Variants in PACS2 observed in about 807,000 individuals in gnomAD.
The protein encoded by PACS2 is PACS1-like protein.
Under a neutral mutation model 113.0 loss-of-function variants are expected in PACS2, and 36 were observed. The ratio of observed to expected loss-of-function variants is 0.32; its 90% confidence interval spans 0.24 to 0.42. The LOEUF is 0.42. Ranked by LOEUF, PACS2 falls within the 10% of genes least tolerant of loss-of-function variation. The probability of loss-of-function intolerance (pLI) is 1.00; values close to 1 mark genes in which losing one functional copy is unlikely to be tolerated. For synonymous variants in PACS2, 589 were observed against 536.1 expected (o/e 1.10, Z -1.36); for missense variants, 1,015 against 1,239.5 (o/e 0.82, Z 2.72).
chr14:105,305,379 G>T (rs1034718650), intron 1 of PACS2, among the ~76,000 whole-genome samples: 2 of 152,130 alleles, frequency 1.3e-5, no homozygotes, highest in Admixed American at 1.3e-4. Context: ...TCCAGCCTGG[G>T]CGACAGATTG....
At chr14:105,393,074 T>G (rs2081415540) in intron 23 of PACS2, 148 bp from the exon 24 acceptor site, 2 of 719,752 alleles carry the variant, frequency 2.8e-6, no homozygotes, top group Non-Finnish European at 4.8e-6. Flanking sequence ...AGAGCAGCTG[T>G]CCTCAGTCAC....
chr14:105,380,402 C>G (rs782417929), intron 11 of PACS2, among the ~76,000 whole-genome samples: 2 of 148,900 alleles, frequency 1.3e-5, no homozygotes, highest in African/African-American at 5.0e-5. Flanking sequence ...AGCTGGACTC[C>G]CCCCACCCGC....
At chr14:105,353,122 GCA>G (rs1322864437) in intron 3 of PACS2, among the ~76,000 whole-genome samples, 11 of 110,118 alleles carry the variant, frequency 1.0e-4, no homozygotes, top group Admixed American at 3.5e-4. Flanking sequence ...GGGGTGACGG[GCA>G]CCCCCTCATC....
chr14:105,391,915 TCC>T (rs1555415031), intron 22 of PACS2, 149 bp downstream of exon 22: 2 of 763,828 alleles, frequency 2.6e-6, no homozygotes, highest in African/African-American at 3.6e-5. Flanking sequence ...GACGGCTGGG[TCC>T]TCTCTGGCCA....
Position 105,381,011 on chromosome 14 carries a change from G to A in PACS2, c.1180G>A (p.Glu394Lys). The change falls in exon 12 of 25, where the codon GAG (glutamate) becomes AAG (lysine). Residue 394 changes from glutamate (E) to lysine (K), a missense_variant. Physicochemically the swap from Glu to Lys is moderately conservative, Grantham distance 56. This residue lies in a region of PACS2 where 859 missense variants were observed against 1,056.8 expected (regional missense o/e 0.81). Coordinates refer to ENST00000447393, the MANE Select transcript of PACS2 (RefSeq NM_001100913.3). ...ACAGCCTGAGGACAGCCCCGAGGCTGAGGCCTCCACCCTGGATGTGTTCAC... is the reference window on the plus strand; with the variant it reads ...ACAGCCTGAGGACAGCCCCGAGGCTAAGGCCTCCACCCTGGATGTGTTCAC... ...PGQPEDSPEAEASTLDVFTER... is the reference protein window; with the variant it reads ...PGQPEDSPEAKASTLDVFTER... 1 of 1,612,492 alleles carries A rather than the reference G, an allele frequency of 6.2e-7. No homozygotes were observed. The highest frequency in any genetic ancestry group is 1.1e-5 in the South Asian group (1 of 90,998).
In PACS2 at chr14:105,376,764, G is replaced by A. The variant is rs781941842; in HGVS notation, c.802-4G>A. On this transcript the variant is annotated splice_region_variant and splice_polypyrimidine_tract_variant and intron_variant, in intron 8 of 24. Coordinates refer to ENST00000447393, the MANE Select transcript of PACS2 (RefSeq NM_001100913.3). This position sits in a 1 kb window ranked among gnomAD's most constrained non-coding sequence, Gnocchi z 4.7. ...GAACTCACGCGTGCCTGGCACCCGT[G>A]CAGGTCCTGGACTCGGAGCAGGACC... 6.2e-7 allele frequency: 1 copy of A among 1,611,968 alleles called. No individual in the cohort carries two copies. Among genetic ancestry groups the A allele is most frequent in the Non-Finnish European group, 8.5e-7 (1 of 1,179,230 alleles).
intron 1 of PACS2, among the ~76,000 whole-genome samples, chr14:105,335,524 A>T (rs1330401348): frequency 6.6e-6 from 1 of 152,170 alleles, no homozygotes; most frequent in Non-Finnish European, 1.5e-5. Flanking sequence ...ATTCTGGGGC[A>T]GGTGGGGACC....
chr14:105,352,711 CGGGCCCCCCCATCACTATCCCCT>C (rs781845358), intron 3 of PACS2, among the ~76,000 whole-genome samples: 185 of 135,058 alleles, frequency 1.4e-3, no homozygotes, highest in Non-Finnish European at 2.5e-3. Context: ...CCTGGGGTGA[CGGGCCCCCCCATCACTATCCCCT>C]GGGGTGACGG....
chr14:105,368,354 G>T, intron 6 of PACS2, 105 bp from the exon 7 acceptor site: 2 of 925,906 alleles, frequency 2.2e-6, no homozygotes, highest in Middle Eastern at 2.2e-4. Context: ...GACACAGGTG[G>T]GCTCTCAGTG....
At chr14:105,308,789 G>C (rs1449809420) in intron 1 of PACS2, among the ~76,000 whole-genome samples, 1 of 151,720 alleles carries the variant, frequency 6.6e-6, no homozygotes, top group East Asian at 2.0e-4. Flanking sequence ...CCATGACTTT[G>C]TCTCTAAATA....
upstream of PACS2, chr14:105,314,463 CGGGG>C (rs1400026923): frequency 1.5e-5 from 2 of 134,568 alleles, no homozygotes; most frequent in African/African-American, 5.6e-5. Flanking sequence ...TCCCGGGGGG[CGGGG>C]CGGGGCGCCC....
intron 8 of PACS2, chr14:105,373,036 T>A (rs2061213941): frequency 6.6e-6 from 1 of 152,178 alleles, no homozygotes; most frequent in Non-Finnish European, 1.5e-5. Flanking sequence ...TTAAAATGAG[T>A]AAGACTCATA....
rs1365743641 is a variant in PACS2 at position 105,354,662 on chromosome 14, C to T, written c.298-390C>T. ...CCCTCCCCGCCCTGTGTGCCCCTCG[C>T]GGAAAAGCGTCCTGGGTCCCACCTT... On this transcript the variant is annotated intron_variant, in intron 3 of 24. Transcript: ENST00000447393. This position sits in a 1 kb window ranked among gnomAD's most constrained non-coding sequence, Gnocchi z 4.2. Among the ~76,000 whole-genome samples the T allele has an allele frequency of 1.3e-5, 2 of 152,176 alleles. No homozygotes were observed. Among genetic ancestry groups the T allele is most frequent in the East Asian group, 1.9e-4 (1 of 5,196 alleles).
chr14:105,391,802 C>G (rs782647334), intron 22 of PACS2, 36 bp downstream of exon 22: 3 of 1,554,316 alleles, frequency 1.9e-6, no homozygotes, highest in Admixed American at 2.0e-5. Flanking sequence ...GTTTCACTTA[C>G]CCGCCCCACC....
At chr14:105,310,181 C>A (rs369283125), upstream of PACS2, among the ~76,000 whole-genome samples, 1 of 152,126 alleles carries the variant, frequency 6.6e-6, no homozygotes, top group South Asian at 2.1e-4. Flanking sequence ...CCATTTTCCA[C>A]TGGGAATTTT....
In PACS2 at chr14:105,376,863, C is replaced by G. The variant is rs4074003; in HGVS notation, c.897C>G (p.Ser299Arg). ...LYDTLDMEHP[S>R]DSGPDMEDDD... ...ACACCCTGGACATGGAGCACCCCAG[C>G]GACAGCGGCCCCGACATGGAGGATG... Residue 299 changes from serine to arginine, a missense_variant, in exon 9 of 25, where the codon AGC becomes AGG. Physicochemically the swap from Ser to Arg is moderately radical, Grantham distance 110 (BLOSUM62 -1). This residue lies in a region of PACS2 where 859 missense variants were observed against 1,056.8 expected (regional missense o/e 0.81). Transcript: ENST00000447393. This position sits in a 1 kb window ranked among gnomAD's most constrained non-coding sequence, Gnocchi z 4.7. 1.9e-6 allele frequency: 3 copies of G among 1,613,086 alleles called. No individual in the cohort carries two copies. The South Asian group carries it at 3.3e-5, about 18-fold the overall frequency.
At chr14:105,312,175 C>G (rs934078491), upstream of PACS2, among the ~76,000 whole-genome samples, 25 of 152,244 alleles carry the variant, frequency 1.6e-4, no homozygotes, top group African/African-American at 5.8e-4. Context: ...ACTGGAAAAG[C>G]CTGAGCCTTC....
intron 24 of PACS2, chr14:105,394,290 G>T: frequency 1.0e-6 from 1 of 985,318 alleles, no homozygotes. Flanking sequence ...CCTTCCACCT[G>T]CAGGCAGCCC....
At chr14:105,326,517 G>A (rs965154470) in intron 1 of PACS2, among the ~76,000 whole-genome samples, 4 of 152,240 alleles carry the variant, frequency 2.6e-5, no homozygotes, top group Admixed American at 6.5e-5. Context: ...GAGGGATGGC[G>A]GCTCAGGCTT....
Sources: gnomAD v4.1 joint callset for allele counts (sites outside exome capture counted in the v4.1 genomes callset) on GRCh38, gnomAD v4.1.1 for gene constraint, gnomAD v4.1.1 regional missense constraint, Gnocchi (gnomAD v3.1) non-coding constraint, MANE v1.5 for transcripts, NCBI Gene and HGNC (gene_info 2026-07-23, HGNC 2026-07-21) for gene names.